The following CCDC117 variants were observed in gnomAD, a reference collection of about 807,000 sequenced individuals.
The protein encoded by CCDC117 is coiled-coil domain-containing protein 117.
Under a neutral mutation model 23.5 loss-of-function variants are expected in CCDC117, and 1 was observed. That is an observed-to-expected ratio of 0.04 (90% confidence interval 0.02 to 0.20). The LOEUF is 0.20. Ranked by LOEUF, CCDC117 falls within the 10% of genes least tolerant of loss-of-function variation. The pLI is 1.00. For missense variants in CCDC117, 383 were observed against 348.2 expected (o/e 1.10, Z -0.80); for synonymous variants, 132 against 124.8 (o/e 1.06, Z -0.39).
intron 4 of CCDC117, among the ~76,000 whole-genome samples, 183 bp from the exon 5 acceptor site, chr22:28,785,906 C>T (rs1010353012): frequency 1.5e-4 from 22 of 144,514 alleles, no homozygotes; most frequent in Non-Finnish European, 4.5e-5. Context: ...GTGGACAACA[C>T]AGCAAGACCC....
At chr22:28,785,486 C>T (rs1166018306) in intron 4 of CCDC117, among the ~76,000 whole-genome samples, 2 of 152,142 alleles carry the variant, frequency 1.3e-5, no homozygotes, top group Non-Finnish European at 2.9e-5. Context: ...CTGTGCCTGG[C>T]CCATAAAGCA....
At chr22:28,775,163 A>C (rs1362544785) in intron 2 of CCDC117, among the ~76,000 whole-genome samples, 1 of 152,190 alleles carries the variant, frequency 6.6e-6, no homozygotes, top group Admixed American at 6.5e-5. Flanking sequence ...CAGGAGGCTG[A>C]GGCAGGAGAA....
intron 2 of CCDC117, among the ~76,000 whole-genome samples, chr22:28,776,506 T>G (rs1470115076): frequency 6.6e-6 from 1 of 151,754 alleles, no homozygotes; most frequent in Non-Finnish European, 1.5e-5. Flanking sequence ...CACTGTCACC[T>G]CTGTCTCAGG....
intron 4 of CCDC117, among the ~76,000 whole-genome samples, chr22:28,784,046 T>C (rs926100518): frequency 3.0e-4 from 46 of 152,296 alleles, no homozygotes; most frequent in African/African-American, 1.1e-3. Context: ...GGCCCAACAG[T>C]GAAAGCAGTT....
At chr22:28,780,864 CA>C (rs2031294452) in intron 2 of CCDC117, 83 bp from the exon 3 acceptor site, 6 of 1,038,410 alleles carry the variant, frequency 5.8e-6, no homozygotes, top group Non-Finnish European at 8.4e-6. Flanking sequence ...TTTTTAAATA[CA>C]AAAACTTGAT....
intron 2 of CCDC117, among the ~76,000 whole-genome samples, chr22:28,779,748 A>G (rs2031266671): frequency 6.6e-6 from 1 of 152,214 alleles, no homozygotes; most frequent in Non-Finnish European, 1.5e-5. Flanking sequence ...TTTGTAAAAT[A>G]CATGCCTCTT....
intron 4 of CCDC117, among the ~76,000 whole-genome samples, chr22:28,784,331 A>G (rs1286358540): frequency 6.6e-6 from 1 of 152,240 alleles, no homozygotes; most frequent in Non-Finnish European, 1.5e-5. Context: ...CCCCTGAGTA[A>G]TGATTAGCCC....
In CCDC117 at chr22:28,783,644, A is replaced by C. The variant is rs149747242; in HGVS notation, c.601A>C (p.Met201Leu). 3 of 1,612,516 alleles carry C rather than the reference A, an allele frequency of 1.9e-6. No homozygotes were observed. Among genetic ancestry groups the C allele is most frequent in the South Asian group, 1.1e-5 (1 of 90,690 alleles). ...EVFTKKMIES[M>L]SRPSMELVLW... ...TTTTACAAAGAAAATGATTGAGTCTATGTAAGTTTTGGTACCTGATTTCTA... is the reference window on the plus strand; with the variant it reads ...TTTTACAAAGAAAATGATTGAGTCTCTGTAAGTTTTGGTACCTGATTTCTA... Residue 201 changes from methionine (M) to leucine (L), a missense_variant and splice_region_variant, in exon 4 of 5, where the codon ATG (methionine) becomes CTG (leucine). Physicochemically the swap from Met to Leu is conservative, Grantham distance 15. Transcript: ENST00000249064.
At chr22:28,782,915 T>C (rs1404080157) in intron 3 of CCDC117, among the ~76,000 whole-genome samples, 3 of 152,148 alleles carry the variant, frequency 2.0e-5, no homozygotes, top group Non-Finnish European at 4.4e-5. Flanking sequence ...ATAGAACTAC[T>C]GAGCGTTTTC....
At chr22:28,786,054 A>C in intron 4 of CCDC117, 35 bp from the exon 5 acceptor site, 1 of 1,518,454 alleles carries the variant, frequency 6.6e-7, no homozygotes, top group Non-Finnish European at 8.9e-7. Context: ...CATGTCCTAA[A>C]ATTTTTTGAT....
intron 1 of CCDC117, chr22:28,773,261 C>T (rs1323546645): frequency 6.1e-6 from 1 of 164,376 alleles, no homozygotes; most frequent in African/African-American, 2.4e-5. Context: ...GGAGTCCGGT[C>T]CGAACCTCAG....
rs186649122 is a variant in CCDC117 at position 28,774,192 on chromosome 22, C to G, written c.239+414C>G. On this transcript the variant is annotated intron_variant, in intron 2 of 4. Coordinates refer to ENST00000249064, the MANE Select transcript of CCDC117 (RefSeq NM_173510.4). ...ATGCCATTCTCCTGCCTCAGCCTCC[C>G]GAGTAGCTGGGACTACAGGCGCCCG... Among the ~76,000 whole-genome samples the G allele has an allele frequency of 4.3e-3, 647 of 150,822 alleles. 5 individuals are homozygous for G. The highest frequency in any genetic ancestry group is 7.3e-3 in the Non-Finnish European group (497 of 67,680).
intron 4 of CCDC117, among the ~76,000 whole-genome samples, chr22:28,785,730 G>A (rs570233226): frequency 0.042 from 6,466 of 152,142 alleles, 196 homozygotes; most frequent in Non-Finnish European, 0.065. Context: ...ACATGTTGAA[G>A]TGTGCAATGT....
chr22:28,772,986 G>C lies in CCDC117; in HGVS notation c.137G>C (p.Gly46Ala). The change falls in exon 1 of 5, where the codon GGA (glycine) becomes GCA (alanine). Residue 46 changes from glycine to alanine, a missense_variant. Physicochemically the swap from Gly to Ala is moderately conservative, Grantham distance 60. Coordinates refer to ENST00000249064, the MANE Select transcript of CCDC117 (RefSeq NM_173510.4). Reference sequence around the variant, plus strand: ...GGCGCCGAGTTGGCCCCGCGGCCGGGACCTCGCGCAGTCCCTAGCAGTCCC... The same window carrying C: ...GGCGCCGAGTTGGCCCCGCGGCCGGCACCTCGCGCAGTCCCTAGCAGTCCC... The part of the protein sequence containing the change: ...ADGAELAPRP[G>A]PRAVPSSPAG... 1 of 1,198,098 alleles carries C rather than the reference G, an allele frequency of 8.3e-7. No homozygotes were observed. The allele number at this position is 1,198,098 out of a possible 1,614,324, so 74.2% of individuals were successfully genotyped here.
chr22:28,777,552 C>G (rs1286493275), intron 2 of CCDC117, among the ~76,000 whole-genome samples: 1 of 150,700 alleles, frequency 6.6e-6, no homozygotes, highest in Non-Finnish European at 1.5e-5. Context: ...GCTCTGCCAC[C>G]AGGCTGGAGT....
intron 3 of CCDC117, 146 bp downstream of exon 3, chr22:28,781,318 TTTTG>T (rs2031311092): frequency 2.3e-6 from 1 of 436,402 alleles, no homozygotes; most frequent in Non-Finnish European, 4.3e-6. Flanking sequence ...GTGTATTCGT[TTTTG>T]TTTTTTTGTT....
At chr22:28,779,081 G>A (rs1283026395) in intron 2 of CCDC117, among the ~76,000 whole-genome samples, 1 of 152,040 alleles carries the variant, frequency 6.6e-6, no homozygotes, top group Non-Finnish European at 1.5e-5. Flanking sequence ...TCCTCCCTCA[G>A]CCTCCCAAGT....
intron 3 of CCDC117, among the ~76,000 whole-genome samples, chr22:28,782,953 G>A (rs894541811): frequency 2.0e-5 from 3 of 152,084 alleles, no homozygotes; most frequent in Admixed American, 6.6e-5. Context: ...ATTAATTTTG[G>A]TTTATGTGAT....
chr22:28,773,114 A>G (rs2031046006), intron 1 of CCDC117, 80 bp downstream of exon 1: 1 of 677,688 alleles, frequency 1.5e-6, no homozygotes, highest in African/African-American at 2.0e-5. Context: ...GGGCGCGGGC[A>G]GGGGCGCGGG....
Sources: allele counts gnomAD v4.1 joint callset (sites outside exome capture counted in the v4.1 genomes callset), GRCh38; gene constraint gnomAD v4.1.1; transcripts MANE v1.5; gene names NCBI Gene and HGNC (gene_info 2026-07-23, HGNC 2026-07-21).